Variants in MYH11 observed in about 807,000 individuals in gnomAD.
MYH11 encodes the protein myosin heavy chain 11.
Under a neutral mutation model 246.6 loss-of-function variants are expected in MYH11, and 80 were observed. The ratio of observed to expected loss-of-function variants is 0.32; its 90% CI spans 0.27 to 0.39. The LOEUF (loss-of-function observed/expected upper bound fraction) is 0.39, where lower values mean the gene tolerates loss of function less well. Ranked by LOEUF, MYH11 falls within the 10% of genes least tolerant of loss-of-function variation. MYH11 has a pLI of 1.00. For synonymous variants in MYH11, 1,071 were observed against 1,015.5 expected (o/e 1.05, Z -1.04); for missense variants, 2,158 against 2,546.8 (o/e 0.85, Z 3.29).
rs1060504020 is a variant in MYH11 at position 15,758,006 on chromosome 16, C to T, written c.1402-6G>A. On this transcript the variant is annotated splice_region_variant and splice_polypyrimidine_tract_variant and intron_variant, in intron 12 of 40. Coordinates refer to ENST00000300036, the MANE Select transcript of MYH11 (RefSeq NM_002474.3). ...AGCTGCTCGAAGGAGTTCACCTGAG[C>T]ACATGGCGTGGGGGCGGGGCGTGAG... 17 of 1,613,566 alleles carry T rather than the reference C, an allele frequency of 1.1e-5. No homozygotes were observed. The African/African-American group carries it at 1.3e-4, about 13-fold the overall frequency.
chr16:15,714,642 C>T (rs1175507806), intron 40 of MYH11: 5 of 576,546 alleles, frequency 8.7e-6, no homozygotes, highest in East Asian at 2.9e-5. Flanking sequence ...TAGCCTCTTC[C>T]TCCTCCTCAG....
chr16:15,798,670 T>C lies in MYH11; in HGVS notation c.520A>G (p.Ile174Val), dbSNP rs773220585. ...SMLQDREDQS[I>V]LCTGESGAGK... ...AGCAGTTCCACTTACGTGCATAGAATGGACTGGTCCTCCCGATCTGCAAAC... is the reference window on the plus strand; with the variant it reads ...AGCAGTTCCACTTACGTGCATAGAACGGACTGGTCCTCCCGATCTGCAAAC... The change falls in exon 4 of 41, where the codon ATT becomes GTT. Residue 174 changes from isoleucine (I) to valine (V), a missense_variant. Coordinates refer to ENST00000300036, the MANE Select transcript of MYH11 (RefSeq NM_002474.3). 7 of 1,603,606 alleles carry C rather than the reference T, an allele frequency of 4.4e-6. No individual in the cohort carries two copies. The South Asian group carries it at 7.8e-5, about 18-fold the overall frequency.
At chr16:15,849,259 T>A (rs1195068160) in intron 1 of MYH11, among the ~76,000 whole-genome samples, 1 of 152,218 alleles carries the variant, frequency 6.6e-6, no homozygotes, top group Non-Finnish European at 1.5e-5. Context: ...CTCAAACTCC[T>A]GATCTCAAAT....
At chr16:15,745,763 T>C (rs1356059127) in intron 19 of MYH11, among the ~76,000 whole-genome samples, 1 of 151,906 alleles carries the variant, frequency 6.6e-6, no homozygotes, top group African/African-American at 2.4e-5. Flanking sequence ...AATTTTTGTA[T>C]TTTTAGTAGA....
At chr16:15,799,690 G>C (rs1242429284) in intron 3 of MYH11, among the ~76,000 whole-genome samples, 2 of 152,194 alleles carry the variant, frequency 1.3e-5, no homozygotes, top group Non-Finnish European at 2.9e-5. Context: ...ACGTTCAATG[G>C]TCACCTAACA....
chr16:15,727,286 C>T (rs968978281), intron 27 of MYH11, among the ~76,000 whole-genome samples: 14 of 151,948 alleles, frequency 9.2e-5, no homozygotes, highest in South Asian at 2.1e-4. Context: ...CTGCAACCTC[C>T]GCCTCCCAGG....
chr16:15,806,084 C>G (rs1380527777), intron 3 of MYH11, among the ~76,000 whole-genome samples: 1 of 146,028 alleles, frequency 6.8e-6, no homozygotes, highest in Admixed American at 6.7e-5. Context: ...CAAGACCAGC[C>G]TGGCCAATAC....
At chr16:15,763,741 T>TCGGCCCCCCCCCCCCCCCCC in intron 10 of MYH11, 55 bp downstream of exon 10, 1 of 646,862 alleles carries the variant, frequency 1.5e-6, no homozygotes, top group East Asian at 3.2e-5. Flanking sequence ...AAATGTCACC[T>TCGGCCCCCCCCCCCCCCCCC]CCCCCACCCC....
rs1429935046 is a variant in MYH11 at position 15,776,153 on chromosome 16, T to C, written c.814A>G (p.Ile272Val). 1 of 1,613,884 alleles carries C rather than the reference T, an allele frequency of 6.2e-7. No individual in the cohort carries two copies. The highest frequency in any genetic ancestry group is 1.3e-5 in the African/African-American group (1 of 74,906). ...GTCCTCTCGTCTCTGGCTTGGCGAA[T>C]TGCCCGTGATTTTTCTAGCAGATCT... ...ETYLLEKSRA[I>V]RQARDERTFH... The change falls in exon 8 of 41, where the codon ATT becomes GTT. Residue 272 changes from isoleucine to valine, a missense_variant. Around this residue, in one of 11 missense-constraint regions of MYH11, gnomAD observed 123 missense variants for 207.1 expected, o/e 0.59. Coordinates refer to ENST00000300036, the MANE Select transcript of MYH11 (RefSeq NM_002474.3).
chr16:15,782,771 C>G, intron 5 of MYH11: 1 of 424,566 alleles, frequency 2.4e-6, no homozygotes, highest in Non-Finnish European at 4.4e-6. Context: ...CTGCCTTGCA[C>G]AATGTCGGTG....
chr16:15,707,634 T>TGAGG (rs2039526970), intron 40 of MYH11, among the ~76,000 whole-genome samples: 1 of 152,146 alleles, frequency 6.6e-6, no homozygotes, highest in South Asian at 2.1e-4. Context: ...TGGACACAAA[T>TGAGG]GAGGGTTGGT....
intron 34 of MYH11, 45 bp downstream of exon 34, chr16:15,720,106 T>G: frequency 6.2e-7 from 1 of 1,613,590 alleles, no homozygotes; most frequent in South Asian, 1.1e-5. Context: ...TGAGGGGAAC[T>G]GTGCCCTCCC....
intron 27 of MYH11, 117 bp from the exon 28 acceptor site, chr16:15,727,171 A>G (rs2040808256): frequency 1.2e-6 from 1 of 844,240 alleles, no homozygotes; most frequent in African/African-American, 1.7e-5. Flanking sequence ...GGGGGCACAC[A>G]ATCACCAGTA....
chr16:15,766,612 T>C (rs572976491), intron 9 of MYH11, among the ~76,000 whole-genome samples: 2 of 152,242 alleles, frequency 1.3e-5, no homozygotes, highest in African/African-American at 4.8e-5. Flanking sequence ...CTTCAAGTGA[T>C]CCATGTGCCT....
At chr16:15,707,570 C>T (rs749889807) in intron 40 of MYH11, among the ~76,000 whole-genome samples, 15 of 152,180 alleles carry the variant, frequency 9.9e-5, no homozygotes, top group East Asian at 3.8e-4. Context: ...CCTCACCCTG[C>T]GCTTTAAGTA....
chr16:15,763,760 C>CCCCAAAA, intron 10 of MYH11, 36 bp downstream of exon 10: 3 of 1,192,074 alleles, frequency 2.5e-6, no homozygotes, highest in Non-Finnish European at 3.8e-6. Flanking sequence ...CCCCCAACCC[C>CCCCAAAA]AAAGTCATTG....
chr16:15,761,106 G>A (rs781200149), intron 10 of MYH11, among the ~76,000 whole-genome samples: 52 of 152,148 alleles, frequency 3.4e-4, no homozygotes, highest in Admixed American at 3.3e-4. Context: ...TTATTTATTT[G>A]TTTATTTATT....
intron 3 of MYH11, among the ~76,000 whole-genome samples, chr16:15,806,038 G>A (rs2043002955): frequency 6.6e-6 from 1 of 151,938 alleles, no homozygotes; most frequent in African/African-American, 2.4e-5. Flanking sequence ...CAGCACTTTG[G>A]GAGGCTGAGG....
At chr16:15,753,029 A>G (rs915781194) in intron 15 of MYH11, among the ~76,000 whole-genome samples, 1 of 152,196 alleles carries the variant, frequency 6.6e-6, no homozygotes, top group East Asian at 1.9e-4. Context: ...AAGCTTAATG[A>G]CATCAAGTGA....
Sources: gnomAD v4.1 joint callset for allele counts (sites outside exome capture counted in the v4.1 genomes callset) on GRCh38, gnomAD v4.1.1 for gene constraint, gnomAD v4.1.1 regional missense constraint, MANE v1.5 for transcripts, NCBI Gene and HGNC (gene_info 2026-07-23, HGNC 2026-07-21) for gene names.